The following AFF3 variants were observed in gnomAD, a reference collection of about 807,000 sequenced individuals.
AFF3 encodes AF4/FMR2 family member 3.
A neutral mutation model predicts 129.7 loss-of-function variants in AFF3; 32 were observed. That is an observed-to-expected ratio of 0.25 (90% CI 0.19 to 0.33). The LOEUF (loss-of-function observed/expected upper bound fraction) is 0.33. Ranked by LOEUF, AFF3 falls within the 10% of genes least tolerant of loss-of-function variation. The pLI is 1.00. For missense variants in AFF3, 1,373 were observed against 1,592.0 expected, an observed-to-expected ratio of 0.86 and a Z score of 2.34; for synonymous variants, 644 against 635.4, an observed-to-expected ratio of 1.01 and a Z score of -0.20.
chr2:99,832,202 G>A (rs1688560308), intron 8 of AFF3, among the ~76,000 whole-genome samples: 1 of 152,164 alleles, frequency 6.6e-6, no homozygotes, highest in Non-Finnish European at 1.5e-5. Flanking sequence ...TAGATGCTTG[G>A]GCTGCTAACA....
intron 7 of AFF3, among the ~76,000 whole-genome samples, chr2:99,913,188 C>T (rs1255586696): frequency 6.6e-6 from 1 of 152,202 alleles, no homozygotes; most frequent in Non-Finnish European, 1.5e-5. Context: ...CAACAGGAAA[C>T]TTTATATAAA....
intron 1 of AFF3, among the ~76,000 whole-genome samples, chr2:100,138,129 C>G (rs1309661040): frequency 6.6e-6 from 1 of 152,172 alleles, no homozygotes. Context: ...TTTTTGCTGT[C>G]ACCACCAACT....
chr2:99,745,191 T>C (rs866533519), intron 9 of AFF3, among the ~76,000 whole-genome samples: 2 of 152,226 alleles, frequency 1.3e-5, no homozygotes, highest in African/African-American at 4.8e-5. Flanking sequence ...GAAATATCTA[T>C]TCAAGTCCTT....
intron 7 of AFF3, among the ~76,000 whole-genome samples, chr2:99,921,083 T>A (rs556662925): frequency 4.6e-5 from 7 of 152,032 alleles, no homozygotes; most frequent in Admixed American, 4.6e-4. Context: ...TTCAATACCA[T>A]CCAAGTCAAA....
At chr2:99,567,126 C>T (rs1347198105) in intron 19 of AFF3, among the ~76,000 whole-genome samples, 2 of 143,766 alleles carry the variant, frequency 1.4e-5, no homozygotes, top group East Asian at 4.1e-4. Context: ...CACCACCACA[C>T]CTGGCTCATT....
intron 8 of AFF3, among the ~76,000 whole-genome samples, chr2:99,796,984 C>T (rs1271570403): frequency 6.6e-6 from 1 of 152,092 alleles, no homozygotes; most frequent in Non-Finnish European, 1.5e-5. Context: ...CACACTATTT[C>T]CAAGTAACTT....
chr2:99,685,220 C>G (rs1401071822), intron 11 of AFF3, among the ~76,000 whole-genome samples: 3 of 152,174 alleles, frequency 2.0e-5, no homozygotes, highest in African/African-American at 7.2e-5. Flanking sequence ...GGATTACAGG[C>G]CTGAGCCACC....
intron 4 of AFF3, among the ~76,000 whole-genome samples, chr2:100,049,550 A>G (rs909178586): frequency 2.6e-5 from 4 of 152,180 alleles, no homozygotes; most frequent in Non-Finnish European, 5.9e-5. Context: ...TGTGCACTAG[A>G]TATTATTATA....
At position 99,715,833 on chromosome 2, in the gene AFF3, G is replaced by A. The variant is rs189015957; in HGVS notation, c.1091+11244C>T. Among the ~76,000 whole-genome samples, 240 of 151,932 alleles carry A rather than the reference G, an allele frequency of 1.6e-3. 1 individual carries two copies. Among genetic ancestry groups the A allele is most frequent in the African/African-American group, 5.4e-3 (224 of 41,442 alleles). On this transcript the variant is annotated intron_variant, in intron 11 of 24. Transcript: ENST00000672756. ...ACTACAGGTACATGCCACCATGCCC[G>A]GCTAATTTTTTTGTATTTTTAGTAG...
At chr2:99,717,309 C>T (rs1678487625) in intron 11 of AFF3, among the ~76,000 whole-genome samples, 1 of 152,158 alleles carries the variant, frequency 6.6e-6, no homozygotes, top group Admixed American at 6.5e-5. Flanking sequence ...AAACAGTTTT[C>T]AAAAATTGTT....
intron 4 of AFF3, among the ~76,000 whole-genome samples, chr2:100,034,404 G>C (rs1005033255): frequency 1.3e-5 from 2 of 152,104 alleles, no homozygotes; most frequent in Admixed American, 6.6e-5. Flanking sequence ...ATAAAAATCA[G>C]TTGAATAGAC....
At chr2:99,796,798 T>C (rs1207451990) in intron 8 of AFF3, among the ~76,000 whole-genome samples, 1 of 152,058 alleles carries the variant, frequency 6.6e-6, no homozygotes, top group Non-Finnish European at 1.5e-5. Context: ...ACCAGGTGCT[T>C]ACAAGGCCAG....
chr2:99,715,772 C>T (rs570823507), intron 11 of AFF3, among the ~76,000 whole-genome samples: 6 of 151,762 alleles, frequency 4.0e-5, no homozygotes, highest in South Asian at 4.2e-4. Flanking sequence ...CCCAGGTTCA[C>T]GCCGTTCTTC....
chr2:100,014,314 G>A (rs933517017), intron 4 of AFF3, among the ~76,000 whole-genome samples: 6 of 152,170 alleles, frequency 3.9e-5, no homozygotes, highest in Middle Eastern at 3.2e-3. Flanking sequence ...TCAAGGAGAA[G>A]AGAATGAACC....
chr2:99,883,174 T>G (rs1692851348), intron 7 of AFF3, among the ~76,000 whole-genome samples: 1 of 152,216 alleles, frequency 6.6e-6, no homozygotes, highest in African/African-American at 2.4e-5. Context: ...CTGTGAAATA[T>G]GTGCATTTTA....
chr2:99,625,099 A>G (rs1682417260), intron 13 of AFF3, among the ~76,000 whole-genome samples: 1 of 152,242 alleles, frequency 6.6e-6, no homozygotes, highest in Non-Finnish European at 1.5e-5. Flanking sequence ...GCTTTCTTGA[A>G]GGGCGAGATA....
At chr2:99,699,117 C>T (rs1487135483) in intron 11 of AFF3, among the ~76,000 whole-genome samples, 1 of 152,158 alleles carries the variant, frequency 6.6e-6, no homozygotes, top group Admixed American at 6.5e-5. Flanking sequence ...TTAAATGATG[C>T]AATCATTTTG....
chr2:99,661,882 A>C (rs1417886919), intron 12 of AFF3, among the ~76,000 whole-genome samples: 6 of 152,178 alleles, frequency 3.9e-5, no homozygotes, highest in African/African-American at 1.4e-4. Context: ...GCTTATGCCT[A>C]TAATGCTAAC....
intron 7 of AFF3, among the ~76,000 whole-genome samples, chr2:99,912,986 C>G (rs1376484923): frequency 6.6e-6 from 1 of 152,190 alleles, no homozygotes; most frequent in Non-Finnish European, 1.5e-5. Context: ...CCCCAACACA[C>G]TGTTCCCCAC....
Sources: gnomAD v4.1 joint callset for allele counts (sites outside exome capture counted in the v4.1 genomes callset) on GRCh38, gnomAD v4.1.1 for gene constraint, MANE v1.5 for transcripts, NCBI Gene and HGNC (gene_info 2026-07-23, HGNC 2026-07-21) for gene names.